CFAP299: variants seen among roughly 807,000 people sequenced by gnomAD.
CFAP299 encodes cilia and flagella associated protein 299.
CFAP299 carries 21 observed loss-of-function variants against 27.0 expected under a neutral mutation model. That is an observed-to-expected ratio of 0.78 (90% CI 0.55 to 1.12). The LOEUF (loss-of-function observed/expected upper bound fraction) is 1.12. Ranked by LOEUF, CFAP299 falls within the 50% of genes most tolerant of loss-of-function variation. The pLI, the probability that CFAP299 is intolerant of heterozygous loss-of-function variation, is 0.00. For missense variants in CFAP299, 310 were observed against 276.6 expected (o/e 1.12, Z -0.86); for synonymous variants, 104 against 98.1 (o/e 1.06, Z -0.36).
At chr4:80,364,089 A>ACACACACACACACACACAC (rs1553916989) in intron 2 of CFAP299, among the ~76,000 whole-genome samples, 1 of 110,844 alleles carries the variant, frequency 9.0e-6, no homozygotes, top group Non-Finnish European at 1.8e-5. Context: ...TCCGTCTCAA[A>ACACACACACACACACACAC]ACACACACAC....
At chr4:80,494,280 CCTCA>C (rs1731318069) in intron 2 of CFAP299, among the ~76,000 whole-genome samples, 2 of 152,322 alleles carry the variant, frequency 1.3e-5, no homozygotes, top group Non-Finnish European at 1.5e-5. Flanking sequence ...TTCCCATTAT[CCTCA>C]CTATCTTCCC....
intron 3 of CFAP299, among the ~76,000 whole-genome samples, chr4:80,605,189 A>G (rs1577923038): frequency 6.6e-6 from 1 of 152,300 alleles, no homozygotes; most frequent in South Asian, 2.1e-4. Flanking sequence ...TAATTTATTC[A>G]TATTTTAGAG....
chr4:80,862,624 G>T (rs1732453576), intron 3 of CFAP299, among the ~76,000 whole-genome samples: 1 of 152,070 alleles, frequency 6.6e-6, no homozygotes, highest in Non-Finnish European at 1.5e-5. Flanking sequence ...CTCCCATCAA[G>T]AGAAGAAGTC....
At chr4:80,866,461 A>G (rs970087991) in intron 3 of CFAP299, among the ~76,000 whole-genome samples, 2 of 152,090 alleles carry the variant, frequency 1.3e-5, no homozygotes, top group African/African-American at 4.8e-5. Flanking sequence ...AGAATCATGA[A>G]GAAAGAGGCT....
rs1045422549 is a variant in CFAP299 at position 80,393,914 on chromosome 4, G to A, written c.242+31030G>A. On this transcript the variant is annotated intron_variant, in intron 2 of 5. Transcript: ENST00000358105. ...TCAAGAGTGGGATTGATCTTGACAC[G>A]TGATCCCCACATGTCAAGAGTGGTG... Among the ~76,000 whole-genome samples, 3 of 152,196 alleles carry A rather than the reference G, an allele frequency of 2.0e-5. No individual in the cohort carries two copies. In the East Asian group the frequency reaches 5.8e-4, roughly 29 times the overall value.
intron 5 of CFAP299, among the ~76,000 whole-genome samples, chr4:80,957,750 C>T (rs1738139600): frequency 6.6e-6 from 1 of 152,018 alleles, no homozygotes; most frequent in Non-Finnish European, 1.5e-5. Flanking sequence ...AATCAAGATA[C>T]CCACTGTTTG....
At chr4:80,515,550 T>A (rs1055542263) in intron 2 of CFAP299, among the ~76,000 whole-genome samples, 7 of 152,220 alleles carry the variant, frequency 4.6e-5, no homozygotes, top group Non-Finnish European at 1.0e-4. Context: ...ATGTTTAGTT[T>A]ACATGCCAAC....
At chr4:80,393,104 G>A (rs899029901) in intron 2 of CFAP299, among the ~76,000 whole-genome samples, 1 of 151,984 alleles carries the variant, frequency 6.6e-6, no homozygotes, top group African/African-American at 2.4e-5. Flanking sequence ...TGAGCATAAT[G>A]TTTATGTCTT....
intron 2 of CFAP299, among the ~76,000 whole-genome samples, chr4:80,453,841 AAATAAT>A (rs10692004): frequency 0.16 from 22,182 of 135,822 alleles, 1,900 homozygotes; most frequent in Middle Eastern, 0.22. Flanking sequence ...ACCCTGTCTC[AAATAAT>A]AATAATAATA....
At chr4:80,942,892 TA>T (rs1350334560) in intron 4 of CFAP299, among the ~76,000 whole-genome samples, 1 of 152,242 alleles carries the variant, frequency 6.6e-6, no homozygotes, top group Non-Finnish European at 1.5e-5. Flanking sequence ...TATCAAAGTA[TA>T]TTTTTTATTA....
intron 4 of CFAP299, among the ~76,000 whole-genome samples, chr4:80,885,617 G>A (rs149530411): frequency 1.4e-3 from 217 of 152,226 alleles, no homozygotes; most frequent in Admixed American, 6.0e-3. Context: ...CACACCCTGG[G>A]CCAAAAGGGA....
At chr4:80,553,412 G>A (rs747862719) in intron 2 of CFAP299, among the ~76,000 whole-genome samples, 72 of 152,258 alleles carry the variant, frequency 4.7e-4, no homozygotes, top group Non-Finnish European at 5.9e-4. Context: ...TCATTGATAG[G>A]CATTTAGGTT....
intron 3 of CFAP299, among the ~76,000 whole-genome samples, chr4:80,845,205 T>C (rs1731107600): frequency 6.6e-6 from 1 of 152,148 alleles, no homozygotes; most frequent in South Asian, 2.1e-4. Context: ...TCCAGCTTTG[T>C]TCTTTTGGCT....
At chr4:80,673,692 G>C (rs1719179670) in intron 3 of CFAP299, among the ~76,000 whole-genome samples, 1 of 152,142 alleles carries the variant, frequency 6.6e-6, no homozygotes, top group African/African-American at 2.4e-5. Context: ...TATGAATCTT[G>C]ATGCTCCTGT....
At chr4:80,388,754 T>G in intron 2 of CFAP299, 1 of 497,022 alleles carries the variant, frequency 2.0e-6, no homozygotes, top group South Asian at 3.3e-5. Flanking sequence ...AATCAATAGA[T>G]TTTTTGGGGA....
the CFAP299 span, among the ~76,000 whole-genome samples, chr4:80,328,179 T>G: frequency 6.6e-6 from 1 of 152,182 alleles, no homozygotes; most frequent in Non-Finnish European, 1.5e-5. Flanking sequence ...TATAGATTAC[T>G]CTTTCAATAA....
intron 4 of CFAP299, among the ~76,000 whole-genome samples, chr4:80,936,661 G>T (rs1736904208): frequency 6.6e-6 from 1 of 151,926 alleles, no homozygotes. Flanking sequence ...AAGAGGGAGA[G>T]GATCAGAAAA....
chr4:80,354,954 C>T (rs137981131), intron 1 of CFAP299, among the ~76,000 whole-genome samples: 1 of 152,160 alleles, frequency 6.6e-6, no homozygotes, highest in East Asian at 1.9e-4. Flanking sequence ...TAGATTGATT[C>T]ACTGTTGTGA....
chr4:80,508,209 A>G (rs1002580362), intron 2 of CFAP299, among the ~76,000 whole-genome samples: 8 of 152,152 alleles, frequency 5.3e-5, no homozygotes, highest in Non-Finnish European at 1.2e-4. Flanking sequence ...TTAAATTTTA[A>G]TGTCTAAATA....
Sources: gnomAD v4.1 joint callset for allele counts (sites outside exome capture counted in the v4.1 genomes callset) on GRCh38, gnomAD v4.1.1 for gene constraint, MANE v1.5 for transcripts, NCBI Gene and HGNC (gene_info 2026-07-23, HGNC 2026-07-21) for gene names.